The following EYA4 variants were observed in gnomAD, a reference collection of about 807,000 sequenced individuals.
EYA4 encodes EYA transcriptional coactivator and phosphatase 4, also known as protein phosphatase EYA4.
A neutral mutation model predicts 87.9 loss-of-function variants in EYA4; 31 were observed. The ratio of observed to expected loss-of-function variants is 0.35; its 90% CI spans 0.27 to 0.48. The LOEUF (loss-of-function observed/expected upper bound fraction) is 0.48. Among genes scored for constraint, EYA4 ranks in the 20% least tolerant of loss-of-function variants. The pLI is 0.99. For missense variants in EYA4, 678 were observed against 761.4 expected (o/e 0.89, Z 1.29); for synonymous variants, 263 against 270.6 (o/e 0.97, Z 0.28).
intron 11 of EYA4, among the ~76,000 whole-genome samples, chr6:133,473,525 G>A (rs142057485): frequency 6.6e-6 from 1 of 152,144 alleles, no homozygotes; most frequent in African/African-American, 2.4e-5. Context: ...ATGAATTGAT[G>A]AAATGATAAC....
Position 133,529,729 on chromosome 6 carries a change from A to ATGAG in EYA4, c.*927_*930dup, listed in dbSNP as rs1332805673. The ATGAG allele has an allele frequency of 1.0e-6, 1 of 985,156 alleles. No individual in the cohort carries two copies. Among genetic ancestry groups the ATGAG allele is most frequent in the Non-Finnish European group, 1.2e-6 (1 of 829,810 alleles). 61.0% of individuals were successfully genotyped at this position (985,156 alleles called of 1,614,324 possible). ...GAGGCAACTATTTGCGCATCCAACC[A>ATGAG]TGAGTGGAAGGTTTGGGAAAGACTG... On this transcript the variant is annotated 3_prime_UTR_variant, in exon 20 of 20. Coordinates refer to ENST00000355286, the MANE Select transcript of EYA4 (RefSeq NM_004100.5).
rs959420035 is a variant in EYA4 at position 133,292,035 on chromosome 6, G to T, written c.33+17222G>T. 2.6e-5 allele frequency among the ~76,000 whole-genome samples: 4 copies of T among 152,044 alleles called. No homozygotes were observed. In the East Asian group the frequency reaches 7.7e-4, roughly 29 times the overall value. On this transcript the variant is annotated intron_variant, in intron 2 of 19. Coordinates refer to ENST00000355286, the MANE Select transcript of EYA4 (RefSeq NM_004100.5). ...ATACTATCCTAGGGCAATAATTTGT[G>T]ACTGAAAATCTTTGTGAAAAATCCT...
chr6:133,328,416 G>A (rs1345930862), intron 2 of EYA4, among the ~76,000 whole-genome samples: 1 of 152,074 alleles, frequency 6.6e-6, no homozygotes, highest in Admixed American at 6.5e-5. Context: ...TGATTGCATA[G>A]GATGGCTTTA....
intron 2 of EYA4, among the ~76,000 whole-genome samples, chr6:133,312,577 A>G (rs1582923718): frequency 2.6e-5 from 4 of 152,328 alleles, no homozygotes; most frequent in Middle Eastern, 3.4e-3. Flanking sequence ...TGGTATTGGT[A>G]TACATGTAGA....
chr6:133,530,158 T>A lies in EYA4; in HGVS notation c.*1353T>A. The A allele has an allele frequency of 1.0e-6, 1 of 984,996 alleles. No individual in the cohort carries two copies. The highest frequency in any genetic ancestry group is 1.2e-6 in the Non-Finnish European group (1 of 829,528). 61.0% of individuals were successfully genotyped at this position (984,996 alleles called of 1,614,324 possible). ...AAATTAAATTAGCAAGTGCGCTGGATCTTGGCAGCGCTGCTGAAATGACAA... is the reference window on the plus strand; with the variant it reads ...AAATTAAATTAGCAAGTGCGCTGGAACTTGGCAGCGCTGCTGAAATGACAA... On this transcript the variant is annotated 3_prime_UTR_variant, in exon 20 of 20. Coordinates refer to ENST00000355286, the MANE Select transcript of EYA4 (RefSeq NM_004100.5).
intron 2 of EYA4, among the ~76,000 whole-genome samples, chr6:133,291,269 TCAA>T (rs1327121672): frequency 1.3e-5 from 2 of 152,336 alleles, no homozygotes; most frequent in Middle Eastern, 3.4e-3. Flanking sequence ...AAATATTTAT[TCAA>T]CAAAGATTTA....
At chr6:133,285,183 A>G (rs1370061452) in intron 2 of EYA4, among the ~76,000 whole-genome samples, 3 of 152,016 alleles carry the variant, frequency 2.0e-5, no homozygotes, top group African/African-American at 7.2e-5. Flanking sequence ...TTTTTAGTAG[A>G]GACGGGGTTT....
chr6:133,424,701 A>G (rs1396656290), intron 3 of EYA4, among the ~76,000 whole-genome samples: 1 of 142,392 alleles, frequency 7.0e-6, no homozygotes, highest in Non-Finnish European at 1.5e-5. Context: ...TGGGAGGCCC[A>G]GGTCTGCAGC....
intron 2 of EYA4, among the ~76,000 whole-genome samples, chr6:133,331,478 T>C (rs1258768399): frequency 6.6e-6 from 1 of 152,240 alleles, no homozygotes; most frequent in Non-Finnish European, 1.5e-5. Flanking sequence ...ATTCATCATT[T>C]AATTAAATTA....
chr6:133,285,355 G>A (rs535185600), intron 2 of EYA4, among the ~76,000 whole-genome samples: 32 of 152,238 alleles, frequency 2.1e-4, no homozygotes, highest in Non-Finnish European at 3.8e-4. Context: ...GATATCTGGG[G>A]AAAGTGGGTT....
At chr6:133,468,887 T>C (rs1172099436) in intron 11 of EYA4, 156 bp downstream of exon 11, 13 of 764,448 alleles carry the variant, frequency 1.7e-5, no homozygotes, top group East Asian at 2.6e-5. Context: ...GAGGCTCTTC[T>C]GGCATTTCAG....
At chr6:133,467,838 G>A (rs212766) in intron 10 of EYA4, among the ~76,000 whole-genome samples, 77,585 of 151,442 alleles carry the variant, frequency 0.51, 21,315 homozygotes, top group African/African-American at 0.72. Flanking sequence ...TCATCCTACT[G>A]TGTAAAAGGA....
chr6:133,474,416 G>A (rs1280485079), intron 11 of EYA4, among the ~76,000 whole-genome samples: 1 of 152,014 alleles, frequency 6.6e-6, no homozygotes. Flanking sequence ...GATATTCTGA[G>A]TATGTGACTT....
At chr6:133,288,835 A>G (rs1778268833) in intron 2 of EYA4, among the ~76,000 whole-genome samples, 1 of 152,122 alleles carries the variant, frequency 6.6e-6, no homozygotes, top group African/African-American at 2.4e-5. Flanking sequence ...CTCAGGAGGA[A>G]TTGGTCATTA....
At chr6:133,261,190 G>C (rs1226129307) in intron 1 of EYA4, among the ~76,000 whole-genome samples, 2 of 152,092 alleles carry the variant, frequency 1.3e-5, no homozygotes, top group Non-Finnish European at 2.9e-5. Context: ...CCTTTAAGTT[G>C]CCACTTAACT....
intron 13 of EYA4, among the ~76,000 whole-genome samples, chr6:133,493,216 C>A (rs1473408801): frequency 6.6e-6 from 1 of 152,056 alleles, no homozygotes; most frequent in Admixed American, 6.6e-5. Context: ...GTGATAGTAA[C>A]AAAAACAACA....
At chr6:133,319,855 T>A (rs1416673762) in intron 2 of EYA4, among the ~76,000 whole-genome samples, 1 of 152,028 alleles carries the variant, frequency 6.6e-6, no homozygotes, top group Non-Finnish European at 1.5e-5. Context: ...TAGCTGGGAC[T>A]ATCGGTGTGT....
At chr6:133,342,251 G>T (rs1014786938) in intron 2 of EYA4, among the ~76,000 whole-genome samples, 1 of 151,032 alleles carries the variant, frequency 6.6e-6, no homozygotes, top group African/African-American at 2.4e-5. Context: ...TTTGGATCTG[G>T]TACCTACTGG....
At chr6:133,278,345 C>G (rs906569570) in intron 2 of EYA4, among the ~76,000 whole-genome samples, 2 of 152,162 alleles carry the variant, frequency 1.3e-5, no homozygotes, top group South Asian at 4.1e-4. Context: ...GCTGCCATAA[C>G]CCTTTGGCAT....
Sources: allele counts gnomAD v4.1 joint callset (sites outside exome capture counted in the v4.1 genomes callset), GRCh38; gene constraint gnomAD v4.1.1; transcripts MANE v1.5; gene names NCBI Gene and HGNC (gene_info 2026-07-23, HGNC 2026-07-21).